The following SHBG variants were observed in gnomAD, a reference collection of about 807,000 sequenced individuals.
The protein encoded by SHBG is sex hormone-binding globulin.
Under a neutral mutation model 41.9 loss-of-function variants are expected in SHBG, and 37 were observed. The ratio of observed to expected loss-of-function variants is 0.88; its 90% CI spans 0.68 to 1.16. The LOEUF is 1.16. SHBG is among the 50% of genes most tolerant of loss of function. SHBG has a pLI of 0.00. For synonymous variants in SHBG, 217 were observed against 205.8 expected, an observed-to-expected ratio of 1.05 and a Z score of -0.47; for missense variants, 466 against 499.9, an observed-to-expected ratio of 0.93 and a Z score of 0.65.
chr17:7,630,099 C>T, upstream of SHBG: 1 of 1,269,724 alleles, frequency 7.9e-7, no homozygotes, highest in Non-Finnish European at 1.1e-6. The surrounding 1 kb of genome is among the most constrained non-coding windows in gnomAD (Gnocchi z 4.6). Context: ...CCTCCACCGC[C>T]CACACGCAAG....
At position 7,630,557 on chromosome 17, in the gene SHBG, T is replaced by C. The variant is rs1432472028; in HGVS notation, c.203+50T>C. On this transcript the variant is annotated intron_variant, in intron 2 of 7. Coordinates refer to ENST00000380450, the MANE Select transcript of SHBG (RefSeq NM_001040.5). This position sits in a 1 kb window ranked among gnomAD's most constrained non-coding sequence, Gnocchi z 4.6. Reference sequence around the variant, plus strand: ...CCCAGTCCCCTGGTTCTGCCCTCTCTCCATCAGCTCTTCTCTTTTCCCTGT... The same window carrying C: ...CCCAGTCCCCTGGTTCTGCCCTCTCCCCATCAGCTCTTCTCTTTTCCCTGT... 1 of 1,561,042 alleles carries C rather than the reference T, an allele frequency of 6.4e-7. No homozygotes were observed. Among genetic ancestry groups the C allele is most frequent in the Non-Finnish European group, 8.8e-7 (1 of 1,132,068 alleles).
At chr17:7,625,764 G>T (rs1264306969), upstream of SHBG, among the ~76,000 whole-genome samples, 2 of 151,748 alleles carry the variant, frequency 1.3e-5, no homozygotes, top group Admixed American at 6.6e-5. Flanking sequence ...GGTAGCAGGC[G>T]CCTGTAATCC....
upstream of SHBG, among the ~76,000 whole-genome samples, chr17:7,624,613 A>G (rs1390385771): frequency 5.3e-5 from 8 of 150,578 alleles, no homozygotes; most frequent in Non-Finnish European, 1.2e-4. Flanking sequence ...GTGATCCTCC[A>G]CCCTCAACCT....
Position 7,631,332 on chromosome 17 carries a change from C to A in SHBG, c.526C>A (p.Leu176Ile). The A allele has an allele frequency of 6.2e-7, 1 of 1,613,694 alleles. No individual in the cohort carries two copies. Among genetic ancestry groups the A allele is most frequent in the Non-Finnish European group, 8.5e-7 (1 of 1,179,860 alleles). Residue 176 changes from leucine to isoleucine, a missense_variant, in exon 4 of 8, where the codon CTC becomes ATC. Leu to Ile is a conservative substitution (Grantham distance 5, BLOSUM62 2). Transcript: ENST00000380450. ...PIMRIALGGL[L>I]FPASNLRLPL... ...CATGAGGATTGCGCTTGGGGGGCTG[C>A]TCTTCCCCGCTTCCAACCTTCGGTT...
At chr17:7,617,866 T>C (rs1393920068) in intron 1 of SHBG, among the ~76,000 whole-genome samples, 1 of 152,172 alleles carries the variant, frequency 6.6e-6, no homozygotes, top group African/African-American at 2.4e-5. Context: ...GGCAGATCAC[T>C]TGAGCTCGGG....
In SHBG at chr17:7,630,405, C is replaced by T. The variant is rs201616029; in HGVS notation, c.112-11C>T. The T allele has an allele frequency of 1.6e-4, 263 of 1,613,302 alleles. No individual in the cohort carries two copies. Among genetic ancestry groups the T allele is most frequent in the Admixed American group, 1.5e-4 (9 of 60,002 alleles). On this transcript the variant is annotated splice_polypyrimidine_tract_variant and intron_variant, in intron 1 of 7. Transcript: ENST00000380450. The surrounding 1 kb of genome is among the most constrained non-coding windows in gnomAD (Gnocchi z 4.6). ...CCCTACTCAGCTTTGTTTGTTTTCTCTTTCTGATAGAGTGCCCACGACCCT... is the reference window on the plus strand; with the variant it reads ...CCCTACTCAGCTTTGTTTGTTTTCTTTTTCTGATAGAGTGCCCACGACCCT...
chr17:7,630,925 G>C lies in SHBG; in HGVS notation c.393+56G>C, dbSNP rs2072387286. ...TGTCTGGAGCTGGTCTGAGGAAAGGGAACAAAACCAAGTTATTGGGCATCC... is the reference window on the plus strand; with the variant it reads ...TGTCTGGAGCTGGTCTGAGGAAAGGCAACAAAACCAAGTTATTGGGCATCC... On this transcript the variant is annotated intron_variant, in intron 3 of 7. Coordinates refer to ENST00000380450, the MANE Select transcript of SHBG (RefSeq NM_001040.5). This position sits in a 1 kb window ranked among gnomAD's most constrained non-coding sequence, Gnocchi z 4.6. The C allele has an allele frequency of 6.5e-7, 1 of 1,528,592 alleles. No individual in the cohort carries two copies. The highest frequency in any genetic ancestry group is 1.4e-5 in the African/African-American group (1 of 73,346). 94.7% of individuals were successfully genotyped at this position (1,528,592 alleles called of 1,614,324 possible).
At chr17:7,621,939 C>A (rs927081183) in intron 1 of SHBG, among the ~76,000 whole-genome samples, 20 of 150,884 alleles carry the variant, frequency 1.3e-4, no homozygotes, top group Non-Finnish European at 1.5e-5. Context: ...TGGGTTCAAG[C>A]GATTCTCCTG....
upstream of SHBG, chr17:7,627,014 T>C (rs528443883): frequency 9.3e-6 from 15 of 1,613,412 alleles, no homozygotes; most frequent in East Asian, 2.0e-4. This position sits in a 1 kb window ranked among gnomAD's most constrained non-coding sequence, Gnocchi z 4.8. Context: ...GTAGATGAAA[T>C]AGTATATCCC....
intron 1 of SHBG, among the ~76,000 whole-genome samples, chr17:7,615,205 C>G (rs969716221): frequency 2.0e-4 from 30 of 152,118 alleles, no homozygotes; most frequent in African/African-American, 6.0e-4. Flanking sequence ...TCCGCACAGT[C>G]ACACAGCGCT....
chr17:7,630,312 C>G lies in SHBG; in HGVS notation c.111+29C>G. 6.3e-7 allele frequency: 1 copy of G among 1,599,776 alleles called. No individual in the cohort carries two copies. The highest frequency in any genetic ancestry group is 8.6e-7 in the Non-Finnish European group (1 of 1,167,640). On this transcript the variant is annotated intron_variant, in intron 1 of 7. Transcript: ENST00000380450. The surrounding 1 kb of genome is among the most constrained non-coding windows in gnomAD (Gnocchi z 4.6). ...CAGGAGCGGGACAGGGCACTCAGCTCATGCAGTCTTCCCTTCTCTCCTCTG... is the reference window on the plus strand; with the variant it reads ...CAGGAGCGGGACAGGGCACTCAGCTGATGCAGTCTTCCCTTCTCTCCTCTG...
chr17:7,620,887 T>C (rs1312226617), intron 1 of SHBG, among the ~76,000 whole-genome samples: 1 of 151,896 alleles, frequency 6.6e-6, no homozygotes, highest in East Asian at 1.9e-4. Flanking sequence ...TGCCTCGGCC[T>C]CCCAGAGTGC....
chr17:7,615,212 C>A (rs1336267035), intron 1 of SHBG, among the ~76,000 whole-genome samples: 2 of 151,972 alleles, frequency 1.3e-5, no homozygotes, highest in Non-Finnish European at 2.9e-5. Flanking sequence ...AGTCACACAG[C>A]GCTCAGGCCA....
upstream of SHBG, chr17:7,626,340 T>C (rs1481866291): frequency 4.7e-6 from 6 of 1,281,838 alleles, no homozygotes; most frequent in Non-Finnish European, 6.6e-6. Context: ...TAACCCTCCT[T>C]CCTCCAGGGA....
In SHBG at chr17:7,630,301, G is replaced by A. The variant is rs752918459; in HGVS notation, c.111+18G>A. 10 of 1,604,092 alleles carry A rather than the reference G, an allele frequency of 6.2e-6. No homozygotes were observed. The highest frequency in any genetic ancestry group is 2.2e-5 in the South Asian group (2 of 90,710). On this transcript the variant is annotated intron_variant, in intron 1 of 7. Transcript: ENST00000380450. This position sits in a 1 kb window ranked among gnomAD's most constrained non-coding sequence, Gnocchi z 4.6. Reference sequence around the variant, plus strand: ...CCACCCAGGTGCAGGAGCGGGACAGGGCACTCAGCTCATGCAGTCTTCCCT... The same window carrying A: ...CCACCCAGGTGCAGGAGCGGGACAGAGCACTCAGCTCATGCAGTCTTCCCT...
chr17:7,631,363 T>G lies in SHBG; in HGVS notation c.555+2T>G. 6.2e-7 allele frequency: 1 copy of G among 1,612,600 alleles called. No individual in the cohort carries two copies. Among genetic ancestry groups the G allele is most frequent in the Non-Finnish European group, 8.5e-7 (1 of 1,179,578 alleles). On this transcript the variant is annotated splice_donor_variant, in intron 4 of 7. Transcript: ENST00000380450. LOFTEE classifies it high-confidence loss of function. ...CCCGCTTCCAACCTTCGGTTGCCGG[T>G]AACTACACCCCAGGGGTGGAACCCT... is the stretch of plus-strand genomic sequence containing the variant.
chr17:7,614,479 C>T, intron 1 of SHBG: 5 of 1,542,530 alleles, frequency 3.2e-6, no homozygotes, highest in Non-Finnish European at 4.4e-6. Context: ...TGGAGCCGCG[C>T]ACCTCGACGG....
At chr17:7,629,043 C>T (rs975738409), upstream of SHBG, among the ~76,000 whole-genome samples, 2 of 143,806 alleles carry the variant, frequency 1.4e-5, no homozygotes, top group East Asian at 2.2e-4. Context: ...GCAACAAAAG[C>T]GAAACTCCAT....
upstream of SHBG, chr17:7,627,555 G>T: frequency 6.2e-7 from 1 of 1,608,042 alleles, no homozygotes. The surrounding 1 kb of genome is among the most constrained non-coding windows in gnomAD (Gnocchi z 4.8). Flanking sequence ...CGGGTTACCG[G>T]CCTGCAGTCT....
Sources: gnomAD v4.1 joint callset for allele counts (sites outside exome capture counted in the v4.1 genomes callset) on GRCh38, gnomAD v4.1.1 for gene constraint, Gnocchi (gnomAD v3.1) non-coding constraint, MANE v1.5 for transcripts, NCBI Gene and HGNC (gene_info 2026-07-23, HGNC 2026-07-21) for gene names.